PPP1R9A: variants seen among roughly 807,000 people sequenced by gnomAD.
PPP1R9A encodes neurabin-1.
A neutral mutation model predicts 141.9 loss-of-function variants in PPP1R9A; 59 were observed. The ratio of observed to expected loss-of-function variants is 0.42; its 90% CI spans 0.34 to 0.52. The LOEUF is 0.52. Ranked by LOEUF, PPP1R9A falls within the 20% of genes least tolerant of loss-of-function variation. PPP1R9A has a pLI of 0.10. For missense variants in PPP1R9A, 1,444 were observed against 1,611.9 expected (o/e 0.90, Z 1.78); for synonymous variants, 500 against 569.7 (o/e 0.88, Z 1.74).
chr7:95,000,189 A>C (rs952188095), intron 2 of PPP1R9A, among the ~76,000 whole-genome samples: 2 of 152,124 alleles, frequency 1.3e-5, no homozygotes, highest in African/African-American at 4.8e-5. Context: ...CATACCCATC[A>C]TTGTGTCCTA....
chr7:95,035,515 A>C (rs955647108), intron 2 of PPP1R9A, among the ~76,000 whole-genome samples: 2 of 152,164 alleles, frequency 1.3e-5, no homozygotes, highest in Admixed American at 6.5e-5. Flanking sequence ...GGATTCATTT[A>C]ACATTTTGCT....
chr7:94,984,138 G>A lies in PPP1R9A; in HGVS notation c.1395+72630G>A, dbSNP rs570174677. ...GTTTACATGCTGGATTACATTTATT[G>A]ATTTGCGTATGTTGAACCAGCCTTG... On this transcript the variant is annotated intron_variant, in intron 2 of 19. Transcript: ENST00000433360. 2.5e-3 allele frequency among the ~76,000 whole-genome samples: 388 copies of A among 152,234 alleles called. 2 individuals are homozygous for A. The highest frequency in any genetic ancestry group is 3.1e-3 in the Non-Finnish European group (211 of 68,014).
At chr7:94,921,256 C>T (rs1299578012) in intron 2 of PPP1R9A, among the ~76,000 whole-genome samples, 2 of 151,804 alleles carry the variant, frequency 1.3e-5, no homozygotes, top group Admixed American at 1.3e-4. Context: ...ACCATCCTGG[C>T]GAACACTGTG....
intron 4 of PPP1R9A, chr7:95,157,085 C>G (rs1829735714): frequency 6.6e-6 from 1 of 152,526 alleles, no homozygotes; most frequent in Non-Finnish European, 1.5e-5. Flanking sequence ...TCTCAGGGAT[C>G]TGCCCTCTTC....
intron 4 of PPP1R9A, among the ~76,000 whole-genome samples, chr7:95,148,443 A>T (rs947916039): frequency 6.6e-6 from 1 of 152,194 alleles, no homozygotes; most frequent in Non-Finnish European, 1.5e-5. Flanking sequence ...CACAAGTTTG[A>T]CAACCAAGAT....
At chr7:95,069,008 C>T (rs75000770) in intron 2 of PPP1R9A, among the ~76,000 whole-genome samples, 5,307 of 152,284 alleles carry the variant, frequency 0.035, 305 homozygotes, top group African/African-American at 0.12. Flanking sequence ...AACCCACACA[C>T]GTCCTCCTGT....
intron 2 of PPP1R9A, among the ~76,000 whole-genome samples, chr7:94,924,097 A>C (rs1189227356): frequency 1.3e-5 from 2 of 152,224 alleles, no homozygotes; most frequent in African/African-American, 4.8e-5. Flanking sequence ...AAAAAGAGGC[A>C]ACATTAACAG....
At chr7:95,140,648 C>T (rs1433624852) in intron 4 of PPP1R9A, among the ~76,000 whole-genome samples, 1 of 152,162 alleles carries the variant, frequency 6.6e-6, no homozygotes, top group African/African-American at 2.4e-5. Flanking sequence ...ATCTGAGGCT[C>T]CTAAAGTGCT....
rs200299819 is a variant in PPP1R9A at position 95,120,822 on chromosome 7, C to T, written c.1639C>T (p.Arg547Trp). The T allele has an allele frequency of 3.7e-6, 6 of 1,612,800 alleles. No individual in the cohort carries two copies. The highest frequency in any genetic ancestry group is 1.1e-5 in the South Asian group (1 of 90,740). ...AGTAACAGAAGGTGGTGCTGCTCAA[C>T]GGGATGGCAGGTAAATTAAGGACTG... ...KTVTEGGAAQ[R>W]DGRIQVNDQI... Residue 547 changes from arginine (R) to tryptophan (W), a missense_variant, in exon 4 of 20, where the codon CGG becomes TGG. Physicochemically the swap from Arg to Trp is moderately radical, Grantham distance 101. Transcript: ENST00000433360.
intron 2 of PPP1R9A, among the ~76,000 whole-genome samples, chr7:95,091,337 C>CTTTTTTTTT (rs555627706): frequency 6.6e-5 from 5 of 75,974 alleles, no homozygotes; most frequent in Non-Finnish European, 1.2e-4. Context: ...TGTTTTAACT[C>CTTTTTTTTT]TTTTTTTTTT....
chr7:95,065,828 A>G (rs1282953686), intron 2 of PPP1R9A, among the ~76,000 whole-genome samples: 2 of 152,220 alleles, frequency 1.3e-5, no homozygotes, highest in African/African-American at 4.8e-5. Flanking sequence ...CCTACTAGAC[A>G]GCTGAGATTG....
intron 2 of PPP1R9A, among the ~76,000 whole-genome samples, chr7:95,108,504 G>T (rs1819981680): frequency 6.6e-6 from 1 of 151,314 alleles, no homozygotes. Context: ...TGGAGATGGG[G>T]TTTCACCGTG....
intron 2 of PPP1R9A, among the ~76,000 whole-genome samples, chr7:94,996,428 C>G (rs547711956): frequency 5.3e-5 from 8 of 152,152 alleles, no homozygotes; most frequent in African/African-American, 1.9e-4. Flanking sequence ...CAAAAAAAGT[C>G]CTCTTTAGAC....
intron 2 of PPP1R9A, among the ~76,000 whole-genome samples, chr7:95,013,634 G>A (rs887872123): frequency 4.6e-5 from 7 of 152,080 alleles, no homozygotes; most frequent in Admixed American, 1.3e-4. Context: ...TTGATCCCCA[G>A]TTTAGTAACA....
intron 8 of PPP1R9A, among the ~76,000 whole-genome samples, chr7:95,244,060 G>A (rs998718241): frequency 2.6e-5 from 4 of 152,048 alleles, no homozygotes; most frequent in South Asian, 2.1e-4. Flanking sequence ...TAAAATAATC[G>A]CATATTTTTA....
At chr7:95,209,788 C>G (rs1437972926) in intron 7 of PPP1R9A, among the ~76,000 whole-genome samples, 1 of 152,046 alleles carries the variant, frequency 6.6e-6, no homozygotes, top group Non-Finnish European at 1.5e-5. Context: ...ATATAAACAC[C>G]ATATTTTTCA....
At chr7:95,122,642 G>T (rs1215787466) in intron 4 of PPP1R9A, among the ~76,000 whole-genome samples, 1 of 152,154 alleles carries the variant, frequency 6.6e-6, no homozygotes, top group African/African-American at 2.4e-5. Flanking sequence ...GAGAAGGTTT[G>T]AAATAAATCT....
Position 94,911,182 on chromosome 7 carries a change from G to C in PPP1R9A, c.1069G>C (p.Ala357Pro). ...AGCTAATTTGGTTGGAAGGGAGGCA[G>C]CAAAGCAACAGAGGAAAGAACTTGC... Reference protein sequence around the residue: ...AEANLVGREAAKQQRKELAGG... With the variant: ...AEANLVGREAPKQQRKELAGG... Residue 357 changes from alanine (A) to proline (P), a missense_variant, in exon 2 of 20, where the codon GCA (alanine) becomes CCA (proline). Ala to Pro is a conservative substitution (Grantham distance 27). Around this residue, in one of 5 missense-constraint regions of PPP1R9A, gnomAD observed 490 missense variants for 521.1 expected, o/e 0.94. Coordinates refer to ENST00000433360, the MANE Select transcript of PPP1R9A (RefSeq NM_001166160.2). The C allele has an allele frequency of 6.2e-7, 1 of 1,614,200 alleles. No individual in the cohort carries two copies. The highest frequency in any genetic ancestry group is 8.5e-7 in the Non-Finnish European group (1 of 1,180,034).
intron 2 of PPP1R9A, among the ~76,000 whole-genome samples, chr7:95,054,764 A>C (rs1248183812): frequency 6.6e-6 from 1 of 152,036 alleles, no homozygotes; most frequent in Admixed American, 6.6e-5. Flanking sequence ...GCACATTGAC[A>C]TTTGTGTTTC....
Sources: gnomAD v4.1 joint callset for allele counts (sites outside exome capture counted in the v4.1 genomes callset) on GRCh38, gnomAD v4.1.1 for gene constraint, gnomAD v4.1.1 regional missense constraint, MANE v1.5 for transcripts, NCBI Gene and HGNC (gene_info 2026-07-23, HGNC 2026-07-21) for gene names.